BBS9: variants seen among roughly 807,000 people sequenced by gnomAD.
BBS9 encodes the protein protein PTHB1.
BBS9 carries 89 observed loss-of-function variants against 117.7 expected under a neutral mutation model. That is an observed-to-expected ratio of 0.76 (90% confidence interval 0.64 to 0.90). BBS9 has a LOEUF of 0.90. Among genes scored for constraint, BBS9 ranks in the 40% least tolerant of loss-of-function variants. The pLI, the probability that BBS9 is intolerant of heterozygous loss-of-function variation, is 0.00. For synonymous variants in BBS9, 379 were observed against 370.9 expected (o/e 1.02, Z -0.25); for missense variants, 982 against 1,042.2 (o/e 0.94, Z 0.80).
At chr7:33,512,752 C>T (rs1847149374) in intron 20 of BBS9, among the ~76,000 whole-genome samples, 1 of 152,222 alleles carries the variant, frequency 6.6e-6, no homozygotes, top group African/African-American at 2.4e-5. Context: ...TTAAAAGCAG[C>T]ACGCCCGCTG....
chr7:33,252,798 A>G (rs886305885), intron 5 of BBS9, among the ~76,000 whole-genome samples: 6 of 152,088 alleles, frequency 3.9e-5, no homozygotes, highest in Non-Finnish European at 7.4e-5. Context: ...TAAATATTTC[A>G]TATCTTAATA....
intron 5 of BBS9, among the ~76,000 whole-genome samples, chr7:33,241,090 T>C (rs973743973): frequency 1.3e-5 from 2 of 150,876 alleles, no homozygotes; most frequent in African/African-American, 2.4e-5. Flanking sequence ...CCTTACTTAA[T>C]GTAGCCTTCC....
intron 20 of BBS9, among the ~76,000 whole-genome samples, chr7:33,518,269 T>TG (rs1491316030): frequency 4.2e-4 from 52 of 123,710 alleles, no homozygotes; most frequent in South Asian, 2.5e-3. Flanking sequence ...TTTTTTTTTT[T>TG]GAGATGGAGT....
chr7:33,159,100 A>G (rs185803921), intron 4 of BBS9, among the ~76,000 whole-genome samples: 1 of 152,266 alleles, frequency 6.6e-6, no homozygotes, highest in East Asian at 1.9e-4. Context: ...TTCCACCTCC[A>G]TTTAGGTTAT....
At chr7:33,260,230 G>A (rs1314182549) in intron 6 of BBS9, among the ~76,000 whole-genome samples, 1 of 152,100 alleles carries the variant, frequency 6.6e-6, no homozygotes, top group African/African-American at 2.4e-5. Flanking sequence ...GCGAACTCCT[G>A]AGCTCAGGCA....
intron 19 of BBS9, among the ~76,000 whole-genome samples, chr7:33,495,073 A>G (rs1844528062): frequency 6.6e-6 from 1 of 152,272 alleles, no homozygotes. Context: ...GAAGAGAAGT[A>G]GGCCCTCTGA....
intron 21 of BBS9, among the ~76,000 whole-genome samples, chr7:33,582,169 A>G (rs1415521995): frequency 6.6e-6 from 1 of 152,064 alleles, no homozygotes; most frequent in Non-Finnish European, 1.5e-5. Flanking sequence ...CAGTCAGGGC[A>G]CTGGGTGAGG....
At chr7:33,427,161 C>T (rs1158993513) in intron 19 of BBS9, among the ~76,000 whole-genome samples, 1 of 152,142 alleles carries the variant, frequency 6.6e-6, no homozygotes, top group African/African-American at 2.4e-5. Context: ...AGGGAACTGG[C>T]ACAAATGCTG....
chr7:33,465,490 A>G (rs182944629), intron 19 of BBS9, among the ~76,000 whole-genome samples: 12 of 152,248 alleles, frequency 7.9e-5, no homozygotes, highest in East Asian at 1.9e-4. Context: ...GCAGTTTCTT[A>G]TATTAAAAAG....
intron 21 of BBS9, among the ~76,000 whole-genome samples, chr7:33,625,120 A>G (rs1042745774): frequency 6.6e-6 from 1 of 152,124 alleles, no homozygotes; most frequent in African/African-American, 2.4e-5. Context: ...GTCATTTTGT[A>G]TGTTTTGTCA....
intron 15 of BBS9, among the ~76,000 whole-genome samples, chr7:33,356,347 A>G (rs1036341717): frequency 6.6e-6 from 1 of 151,812 alleles, no homozygotes; most frequent in Non-Finnish European, 1.5e-5. Flanking sequence ...ATCTTAGATC[A>G]TGTTACCATA....
chr7:33,624,357 A>G (rs1865544442), intron 21 of BBS9, among the ~76,000 whole-genome samples: 1 of 152,082 alleles, frequency 6.6e-6, no homozygotes. Context: ...GAATATTACC[A>G]CACAGTGGCC....
At chr7:33,214,592 G>A (rs1374106159) in intron 5 of BBS9, among the ~76,000 whole-genome samples, 1 of 152,150 alleles carries the variant, frequency 6.6e-6, no homozygotes, top group Non-Finnish European at 1.5e-5. Flanking sequence ...CTGCCTGTAG[G>A]CTTCTAATCT....
At chr7:33,496,139 A>G (rs1213518311) in intron 19 of BBS9, among the ~76,000 whole-genome samples, 2 of 152,130 alleles carry the variant, frequency 1.3e-5, no homozygotes, top group Admixed American at 1.3e-4. Flanking sequence ...CATTTTTACA[A>G]CTGAAGTTTT....
intron 9 of BBS9, among the ~76,000 whole-genome samples, chr7:33,294,232 T>TC (rs898149193): frequency 3.3e-5 from 5 of 151,804 alleles, no homozygotes; most frequent in Non-Finnish European, 7.4e-5. Flanking sequence ...GCAGCAACCC[T>TC]CCCCCCCATA....
intron 19 of BBS9, among the ~76,000 whole-genome samples, chr7:33,482,867 TC>T (rs1270579570): frequency 6.6e-6 from 1 of 152,144 alleles, no homozygotes; most frequent in Non-Finnish European, 1.5e-5. Flanking sequence ...TGGGATTGAG[TC>T]CTGTGAATGG....
chr7:33,573,829 G>T (rs1858247011), intron 21 of BBS9, among the ~76,000 whole-genome samples: 1 of 151,998 alleles, frequency 6.6e-6, no homozygotes, highest in African/African-American at 2.4e-5. Context: ...AAGAGAGTAG[G>T]GTATGAGAAC....
intron 2 of BBS9, among the ~76,000 whole-genome samples, chr7:33,149,021 G>A (rs893523047): frequency 2.0e-5 from 3 of 152,196 alleles, no homozygotes; most frequent in Non-Finnish European, 2.9e-5. Context: ...GATTTGCAAT[G>A]TATGAATGGG....
chr7:33,578,897 A>G (rs1859402931), intron 21 of BBS9, among the ~76,000 whole-genome samples: 1 of 152,070 alleles, frequency 6.6e-6, no homozygotes, highest in African/African-American at 2.4e-5. Context: ...AAACATATGC[A>G]AGAACTAGTA....
Sources: allele counts gnomAD v4.1 joint callset (sites outside exome capture counted in the v4.1 genomes callset), GRCh38; gene constraint gnomAD v4.1.1; transcripts MANE v1.5; gene names NCBI Gene and HGNC (gene_info 2026-07-23, HGNC 2026-07-21).